Variants in SBF1 observed in about 807,000 individuals in gnomAD.
SBF1 encodes myotubularin-related protein 5.
Under a neutral mutation model 215.8 loss-of-function variants are expected in SBF1, and 65 were observed. The observed-to-expected ratio is 0.30, with a 90% CI of 0.25 to 0.37. The LOEUF (loss-of-function observed/expected upper bound fraction) is 0.37, where lower values mean the gene tolerates loss of function less well. SBF1 is among the 10% of genes least tolerant of loss of function. The pLI is 1.00. For synonymous variants in SBF1, 1,410 were observed against 1,122.8 expected, an observed-to-expected ratio of 1.26 and a Z score of -5.11; for missense variants, 2,634 against 2,667.8, an observed-to-expected ratio of 0.99 and a Z score of 0.28.
At chr22:50,460,200 C>T (rs370095324) in intron 25 of SBF1, 41 bp from the exon 26 acceptor site, 15 of 1,605,112 alleles carry the variant, frequency 9.3e-6, no homozygotes, top group African/African-American at 2.7e-5. Flanking sequence ...GGGGCCACTC[C>T]GCCTGCCCTG....
At chr22:50,467,485 A>G (rs758288529) in intron 4 of SBF1, 37 bp from the exon 5 acceptor site, 24 of 1,613,778 alleles carry the variant, frequency 1.5e-5, no homozygotes, top group Admixed American at 6.7e-5. Flanking sequence ...GGGACAGCCG[A>G]TGGAAGCACC....
At chr22:50,459,848 C>A in intron 26 of SBF1, 104 bp downstream of exon 26, 1 of 1,454,540 alleles carries the variant, frequency 6.9e-7, no homozygotes, top group Non-Finnish European at 9.5e-7. Context: ...GTCTCCCCCT[C>A]CACATTCCTT....
intron 28 of SBF1, 111 bp downstream of exon 28, chr22:50,459,144 T>A (rs1481571949): frequency 7.0e-7 from 1 of 1,427,102 alleles, no homozygotes; most frequent in African/African-American, 1.4e-5. Flanking sequence ...CACCCAAACA[T>A]CCATGACCAG....
intron 1 of SBF1, among the ~76,000 whole-genome samples, chr22:50,472,478 C>T (rs1422009597): frequency 6.6e-6 from 1 of 152,186 alleles, no homozygotes; most frequent in African/African-American, 2.4e-5. Context: ...CCTGTTGTGT[C>T]TGTGCCTAGA....
Position 50,445,978 on chromosome 22 carries a change from C to T in SBF1, c.*1164G>A, listed in dbSNP as rs764233595. 6.5e-6 allele frequency: 1 copy of T among 153,302 alleles called. No homozygotes were observed. Among genetic ancestry groups the T allele is most frequent in the East Asian group, 1.9e-4 (1 of 5,228 alleles). 9.5% of individuals were successfully genotyped at this position (153,302 alleles called of 1,614,324 possible). ...GCCAGGTTCTCTGCCCCTCACCAGC[C>T]CCTCTGGCCAGGTCACCAGCTGCCA... On this transcript the variant is annotated 3_prime_UTR_variant, in exon 41 of 41. Coordinates refer to ENST00000380817, the MANE Select transcript of SBF1 (RefSeq NM_002972.4).
At chr22:50,451,158 C>A (rs1273046160) in intron 36 of SBF1, among the ~76,000 whole-genome samples, 1 of 109,648 alleles carries the variant, frequency 9.1e-6, no homozygotes, top group African/African-American at 3.7e-5. Context: ...AGGGAGACCC[C>A]ATCTCTACAA....
chr22:50,467,473 G>A, intron 4 of SBF1, 25 bp from the exon 5 acceptor site: 1 of 1,613,976 alleles, frequency 6.2e-7, no homozygotes, highest in Non-Finnish European at 8.5e-7. Flanking sequence ...GCGGGGAGTG[G>A]TGGGACAGCC....
chr22:50,456,533 G>A lies in SBF1; in HGVS notation c.4045C>T (p.Arg1349Ter), dbSNP rs752869887. 5 of 1,585,290 alleles carry A rather than the reference G, an allele frequency of 3.2e-6. No individual in the cohort carries two copies. In the African/African-American group the frequency reaches 4.1e-5, roughly 13 times the overall value. ...PPDPGFLRPQ[R>*]AALYILGDKA... ...TCCCCAAGGATATAGAGGGCTGCTC[G>A]CTGCGGACGCAGGAAGCCCGGGTCG... The change falls in exon 30 of 41, where the codon CGA (arginine) becomes TGA (stop). Residue 1349 changes from arginine (R) to a stop codon, truncating the protein, a stop_gained. Transcript: ENST00000380817. LOFTEE classifies it high-confidence loss of function.
intron 23 of SBF1, among the ~76,000 whole-genome samples, 190 bp downstream of exon 23, chr22:50,460,969 A>G (rs1221995913): frequency 6.6e-6 from 1 of 152,262 alleles, no homozygotes; most frequent in African/African-American, 2.4e-5. Flanking sequence ...GGAAAGGACA[A>G]GGACCCAAAG....
At chr22:50,463,506 C>T (rs554272528) in intron 15 of SBF1, 74 bp from the exon 16 acceptor site, 92 of 1,449,656 alleles carry the variant, frequency 6.3e-5, no homozygotes, top group Non-Finnish European at 7.9e-5. Context: ...GGGAGGGCAG[C>T]AGGTGTCCAG....
intron 26 of SBF1, 115 bp downstream of exon 26, chr22:50,459,837 A>G: frequency 1.4e-6 from 2 of 1,393,630 alleles, no homozygotes; most frequent in Non-Finnish European, 9.9e-7. Flanking sequence ...CTCTGCCCGG[A>G]GTCTCCCCCT....
rs367997821 is a variant in SBF1, at chr22:50,467,702, C to G, written c.280-12G>C. The G allele has an allele frequency of 1.8e-5, 28 of 1,558,012 alleles. No individual in the cohort carries two copies. The highest frequency in any genetic ancestry group is 2.4e-5 in the Non-Finnish European group (28 of 1,144,364). ...ACGCGCGTCGTTTCCTGCTGGGGGTCAGGGGGAGACGGGGGCAGGGGGAGT... is the reference window on the plus strand; with the variant it reads ...ACGCGCGTCGTTTCCTGCTGGGGGTGAGGGGGAGACGGGGGCAGGGGGAGT... On this transcript the variant is annotated splice_polypyrimidine_tract_variant and intron_variant, in intron 3 of 40. Transcript: ENST00000380817.
rs59371835 is a variant in SBF1, at chr22:50,473,291, G to A, written c.55+1495C>T. 5.2e-3 allele frequency among the ~76,000 whole-genome samples: 784 copies of A among 152,232 alleles called. 8 individuals carry two copies. The highest frequency in any genetic ancestry group is 0.018 in the African/African-American group (751 of 41,518). On this transcript the variant is annotated intron_variant, in intron 1 of 40. Transcript: ENST00000380817. ...GCCCAAGGCCCCTCACGCCAAGACA[G>A]CCCTCAGCCAGCCTTGCTTCCCTGG...
chr22:50,468,127 G>A (rs1207488484), intron 2 of SBF1, among the ~76,000 whole-genome samples: 1 of 152,132 alleles, frequency 6.6e-6, no homozygotes, highest in African/African-American at 2.4e-5. Flanking sequence ...CCCCACCTGG[G>A]GCAAGGACCA....
intron 1 of SBF1, 91 bp downstream of exon 1, chr22:50,474,695 A>G (rs1212464731): frequency 8.9e-6 from 5 of 564,656 alleles, no homozygotes; most frequent in South Asian, 4.3e-5. Flanking sequence ...CTCGGCCCCC[A>G]GCCCCCGGCC....
chr22:50,458,756 G>A (rs1210478307), intron 28 of SBF1, among the ~76,000 whole-genome samples: 2 of 152,180 alleles, frequency 1.3e-5, no homozygotes, highest in Non-Finnish European at 2.9e-5. Flanking sequence ...CTCGGGCAAG[G>A]CCCAAGGAAC....
At chr22:50,464,794 C>T (rs767592866) in intron 13 of SBF1, 25 bp downstream of exon 13, 14 of 1,612,614 alleles carry the variant, frequency 8.7e-6, no homozygotes, top group East Asian at 2.2e-5. Flanking sequence ...CGGTACGACG[C>T]CCTCCCGTCC....
chr22:50,449,424 G>T (rs2066958429), intron 36 of SBF1, among the ~76,000 whole-genome samples: 1 of 152,072 alleles, frequency 6.6e-6, no homozygotes. Flanking sequence ...AGACCAGCCT[G>T]GCCAAGATGG....
chr22:50,473,920 G>A (rs1048304199), intron 1 of SBF1, among the ~76,000 whole-genome samples: 1 of 152,228 alleles, frequency 6.6e-6, no homozygotes, highest in Non-Finnish European at 1.5e-5. Flanking sequence ...GGGCAACCCC[G>A]GTGGGCTGCT....
Sources: gnomAD v4.1 joint callset for allele counts (sites outside exome capture counted in the v4.1 genomes callset) on GRCh38, gnomAD v4.1.1 for gene constraint, MANE v1.5 for transcripts, NCBI Gene and HGNC (gene_info 2026-07-23, HGNC 2026-07-21) for gene names.